Variants in ASIC2 observed in about 807,000 individuals in gnomAD.
ASIC2 encodes the protein acid sensing ion channel subunit 2, also known as acid-sensing ion channel 2.
In ASIC2, 25 loss-of-function variants were observed where a neutral mutation model predicts 57.3. The observed-to-expected ratio is 0.44, with a 90% CI of 0.32 to 0.61. The LOEUF (loss-of-function observed/expected upper bound fraction) is 0.61, where lower values mean the gene tolerates loss of function less well. Ranked by LOEUF, ASIC2 falls within the 20% of genes least tolerant of loss-of-function variation. ASIC2 has a pLI of 0.06. For missense variants in ASIC2, 641 were observed against 738.1 expected (o/e 0.87, Z 1.52); for synonymous variants, 319 against 307.5 (o/e 1.04, Z -0.39).
intron 1 of ASIC2, among the ~76,000 whole-genome samples, chr17:33,610,054 GCACACACACACACA>G (rs57533251): frequency 4.4e-4 from 64 of 144,848 alleles, no homozygotes; most frequent in African/African-American, 1.4e-3. Flanking sequence ...GGACAGAGGC[GCACACACACACACA>G]CACACACACA....
intron 1 of ASIC2, among the ~76,000 whole-genome samples, chr17:34,091,373 G>T (rs1397262221): frequency 6.6e-6 from 1 of 152,258 alleles, no homozygotes; most frequent in East Asian, 1.9e-4. Flanking sequence ...GGGCATTTCT[G>T]CCATGTCCCT....
At chr17:33,826,876 A>C (rs8067072) in intron 1 of ASIC2, among the ~76,000 whole-genome samples, 123,260 of 151,840 alleles carry the variant, frequency 0.81, 50,381 homozygotes, top group African/African-American at 0.85. Flanking sequence ...GATATACTCC[A>C]AGCAATTAGG....
chr17:33,503,972 G>T (rs1466764333), intron 1 of ASIC2, among the ~76,000 whole-genome samples: 2 of 152,246 alleles, frequency 1.3e-5, no homozygotes, highest in Non-Finnish European at 2.9e-5. Flanking sequence ...AGAGAATGGG[G>T]AAGGGGCAAA....
At chr17:33,555,570 A>G (rs1254390140) in intron 1 of ASIC2, among the ~76,000 whole-genome samples, 1 of 152,168 alleles carries the variant, frequency 6.6e-6, no homozygotes, top group Non-Finnish European at 1.5e-5. Context: ...GAGGTGCAGG[A>G]TGTGACAGCC....
At chr17:33,912,630 G>C (rs1358233532) in intron 1 of ASIC2, among the ~76,000 whole-genome samples, 1 of 152,102 alleles carries the variant, frequency 6.6e-6, no homozygotes, top group Admixed American at 6.5e-5. Context: ...TGACTTAAGG[G>C]AATTGTCAAG....
chr17:33,103,633 G>C (rs1479476326), intron 2 of ASIC2, among the ~76,000 whole-genome samples: 1 of 152,098 alleles, frequency 6.6e-6, no homozygotes, highest in Non-Finnish European at 1.5e-5. Flanking sequence ...GCCTTTTAAG[G>C]CTTCCTGACT....
In ASIC2 at chr17:33,651,916, C is replaced by T. The variant is rs751325892; in HGVS notation, c.555+504062G>A. ...GGACAAACTGCTCTGGGAAAGTTTG[C>T]ACTTGGAGGTAGATGGGGATGAAGC... On this transcript the variant is annotated intron_variant, in intron 1 of 9. Transcript: ENST00000359872. Among the ~76,000 whole-genome samples, 64 of 152,164 alleles carry T rather than the reference C, an allele frequency of 4.2e-4. 1 individual carries two copies. Among genetic ancestry groups the T allele is most frequent in the Middle Eastern group, 3.2e-3 (1 of 316 alleles).
At chr17:33,602,797 C>T (rs1905142204) in intron 1 of ASIC2, among the ~76,000 whole-genome samples, 1 of 152,208 alleles carries the variant, frequency 6.6e-6, no homozygotes, top group South Asian at 2.1e-4. Context: ...TGACTTATTG[C>T]TATAGCTCTA....
intron 1 of ASIC2, chr17:34,002,569 G>A (rs187456308): frequency 6.6e-6 from 1 of 152,208 alleles, no homozygotes; most frequent in African/African-American, 2.4e-5. Context: ...TCTCCTCAAA[G>A]AGCTTAATTT....
At chr17:33,847,733 G>A (rs544844154) in intron 1 of ASIC2, among the ~76,000 whole-genome samples, 1 of 152,340 alleles carries the variant, frequency 6.6e-6, no homozygotes, top group African/African-American at 2.4e-5. Flanking sequence ...TAGAGGAAGA[G>A]GCAGATGAGC....
chr17:33,463,082 T>G (rs1912695333), intron 1 of ASIC2, among the ~76,000 whole-genome samples: 1 of 152,226 alleles, frequency 6.6e-6, no homozygotes, highest in Non-Finnish European at 1.5e-5. Flanking sequence ...GACGCAGTAC[T>G]CTTGAAGTTG....
At chr17:33,296,096 A>G (rs1264572993), upstream of ASIC2, among the ~76,000 whole-genome samples, 5 of 152,180 alleles carry the variant, frequency 3.3e-5, no homozygotes, top group Non-Finnish European at 7.3e-5. Flanking sequence ...TTACAAAATT[A>G]TATTATTATG....
intron 3 of ASIC2, among the ~76,000 whole-genome samples, chr17:33,084,485 G>A (rs985554921): frequency 4.6e-5 from 7 of 152,232 alleles, no homozygotes; most frequent in African/African-American, 9.6e-5. Flanking sequence ...GCATGGGTGC[G>A]GGAACCTGGT....
intron 1 of ASIC2, among the ~76,000 whole-genome samples, chr17:33,194,114 ATCAT>A (rs1439268581): frequency 1.3e-5 from 2 of 152,048 alleles, no homozygotes; most frequent in Non-Finnish European, 2.9e-5. Context: ...GCCTTCTCAA[ATCAT>A]TCTAGGTGCC....
At chr17:33,196,512 A>T (rs1255860668) in intron 1 of ASIC2, among the ~76,000 whole-genome samples, 1 of 152,202 alleles carries the variant, frequency 6.6e-6, no homozygotes, top group African/African-American at 2.4e-5. Flanking sequence ...GCTGAAGAGC[A>T]TACATAGAAT....
At chr17:33,981,410 C>T (rs1278759455) in intron 1 of ASIC2, among the ~76,000 whole-genome samples, 1 of 152,136 alleles carries the variant, frequency 6.6e-6, no homozygotes, top group African/African-American at 2.4e-5. Context: ...TTGATGACTG[C>T]GATCTCACTT....
chr17:33,731,115 G>C (rs1168208086), intron 1 of ASIC2, among the ~76,000 whole-genome samples: 3 of 152,224 alleles, frequency 2.0e-5, no homozygotes, highest in Non-Finnish European at 4.4e-5. Context: ...TGAACTCATA[G>C]CATGAGGGCA....
chr17:33,225,750 T>G (rs1907854926), intron 1 of ASIC2, among the ~76,000 whole-genome samples: 2 of 152,132 alleles, frequency 1.3e-5, no homozygotes, highest in African/African-American at 4.8e-5. Flanking sequence ...CTCCTGGGGC[T>G]AAGGCAACAC....
intron 1 of ASIC2, chr17:33,291,170 G>A (rs1905420570): frequency 1.3e-6 from 1 of 773,396 alleles, no homozygotes; most frequent in Non-Finnish European, 1.9e-6. Context: ...ACTGGAAGGA[G>A]GGGCTGGGAC....
Sources: allele counts gnomAD v4.1 joint callset (sites outside exome capture counted in the v4.1 genomes callset), GRCh38; gene constraint gnomAD v4.1.1; transcripts MANE v1.5; gene names NCBI Gene and HGNC (gene_info 2026-07-23, HGNC 2026-07-21).